Variants in TMTC2 observed in about 807,000 individuals in gnomAD.
TMTC2 encodes the protein transmembrane O-mannosyltransferase targeting cadherins 2.
TMTC2 carries 43 observed loss-of-function variants against 82.4 expected under a neutral mutation model. The ratio of observed to expected loss-of-function variants is 0.52; its 90% CI spans 0.41 to 0.67. The LOEUF (loss-of-function observed/expected upper bound fraction) is 0.67, where lower values mean the gene tolerates loss of function less well. Among genes scored for constraint, TMTC2 ranks in the 30% least tolerant of loss-of-function variants. The pLI is 0.00. For synonymous variants in TMTC2, 408 were observed against 381.9 expected (o/e 1.07, Z -0.80); for missense variants, 919 against 1,012.4 (o/e 0.91, Z 1.25).
chr12:82,949,430 A>G (rs1877225992), intron 4 of TMTC2, among the ~76,000 whole-genome samples: 1 of 152,188 alleles, frequency 6.6e-6, no homozygotes, highest in Non-Finnish European at 1.5e-5. Flanking sequence ...CCAGAGTCAT[A>G]TTTGTTTTCA....
chr12:83,043,753 T>C (rs2020085), intron 9 of TMTC2, among the ~76,000 whole-genome samples: 73,326 of 152,018 alleles, frequency 0.48, 18,668 homozygotes, highest in East Asian at 0.78. Context: ...CAAGTACTAC[T>C]ATATTTTGTG....
intron 1 of TMTC2, among the ~76,000 whole-genome samples, chr12:82,795,681 T>G (rs1195899542): frequency 1.3e-5 from 2 of 152,108 alleles, no homozygotes; most frequent in Non-Finnish European, 2.9e-5. Context: ...CTCAACTAGC[T>G]TGCCCTTCTG....
Position 82,803,977 on chromosome 12 carries a change from G to A in TMTC2, c.84-53033G>A, listed in dbSNP as rs576222822. On this transcript the variant is annotated intron_variant, in intron 1 of 11. Coordinates refer to ENST00000321196, the MANE Select transcript of TMTC2 (RefSeq NM_152588.3). ...TCAGTGGAATTCTTTCTTCTGAGGA[G>A]GCAAGAATTGAGGTTGCTGCAGACC... Among the ~76,000 whole-genome samples, 56 of 152,144 alleles carry A rather than the reference G, an allele frequency of 3.7e-4. 1 individual carries two copies. Among genetic ancestry groups the A allele is most frequent in the Non-Finnish European group, 7.1e-4 (48 of 68,004 alleles).
chr12:82,804,847 A>G (rs1368939729), intron 1 of TMTC2, among the ~76,000 whole-genome samples: 1 of 152,158 alleles, frequency 6.6e-6, no homozygotes, highest in Non-Finnish European at 1.5e-5. Context: ...AAGAGTGTAC[A>G]TGGGCCCTAC....
intron 1 of TMTC2, among the ~76,000 whole-genome samples, chr12:82,787,418 A>G (rs58040480): frequency 0.015 from 2,230 of 152,268 alleles, 54 homozygotes; most frequent in African/African-American, 0.05. Flanking sequence ...AAAAAAATAC[A>G]GAACCTAGTT....
Position 82,857,542 on chromosome 12 carries a change from A to T in TMTC2, c.616A>T (p.Arg206Trp), listed in dbSNP as rs1871324937. ...SAVYDVFVFHRLKIKQILPTI... is the reference protein window; with the variant it reads ...SAVYDVFVFHWLKIKQILPTI... The stretch of plus-strand genomic sequence containing the variant: ...AGTTTATGATGTCTTTGTCTTTCAC[A>T]GGCTGAAAATAAAACAGATATTACC... The change falls in exon 2 of 12, where the codon AGG (arginine) becomes TGG (tryptophan). Residue 206 changes from arginine (R) to tryptophan (W), a missense_variant. Arg to Trp is a moderately radical substitution (Grantham distance 101). Coordinates refer to ENST00000321196, the MANE Select transcript of TMTC2 (RefSeq NM_152588.3). 1 of 1,612,712 alleles carries T rather than the reference A, an allele frequency of 6.2e-7. No homozygotes were observed. The highest frequency in any genetic ancestry group is 8.5e-7 in the Non-Finnish European group (1 of 1,179,584).
chr12:83,069,108 T>C (rs144586232), intron 11 of TMTC2, among the ~76,000 whole-genome samples: 2 of 152,346 alleles, frequency 1.3e-5, no homozygotes, highest in African/African-American at 4.8e-5. Context: ...CACTCGTTGA[T>C]TGATGGGCAT....
intron 1 of TMTC2, among the ~76,000 whole-genome samples, chr12:82,827,014 A>G (rs1869456627): frequency 6.6e-6 from 1 of 152,198 alleles, no homozygotes; most frequent in Admixed American, 6.5e-5. Context: ...TAATGAGGAT[A>G]AATGATTTGC....
At chr12:82,986,601 A>C (rs2137339322) in intron 8 of TMTC2, 1 of 152,664 alleles carries the variant, frequency 6.6e-6, no homozygotes, top group East Asian at 1.9e-4. Flanking sequence ...TCTGATTCTT[A>C]TAAATAGCCA....
At chr12:83,008,626 A>C (rs889347060) in intron 8 of TMTC2, among the ~76,000 whole-genome samples, 2 of 152,216 alleles carry the variant, frequency 1.3e-5, no homozygotes, top group Non-Finnish European at 2.9e-5. Flanking sequence ...TCCAACATGT[A>C]AGTCTGGTTT....
At chr12:82,697,961 A>G (rs1421365462) in intron 1 of TMTC2, among the ~76,000 whole-genome samples, 1 of 152,212 alleles carries the variant, frequency 6.6e-6, no homozygotes, top group African/African-American at 2.4e-5. Context: ...AAGTAGGAAG[A>G]TAAAAATTTG....
At chr12:83,059,566 G>T (rs898356440) in intron 10 of TMTC2, among the ~76,000 whole-genome samples, 7 of 151,676 alleles carry the variant, frequency 4.6e-5, no homozygotes, top group Non-Finnish European at 7.4e-5. Context: ...TCCTAGTGGG[G>T]TTTTTTTCCC....
chr12:83,109,459 C>A (rs1884526563), intron 11 of TMTC2, among the ~76,000 whole-genome samples: 1 of 151,900 alleles, frequency 6.6e-6, no homozygotes, highest in Admixed American at 6.6e-5. Flanking sequence ...CAACCAGTCA[C>A]TCCCCAATTC....
intron 11 of TMTC2, among the ~76,000 whole-genome samples, chr12:83,105,201 T>C (rs1884354973): frequency 6.6e-6 from 1 of 152,164 alleles, no homozygotes. Flanking sequence ...TTCTAAGTAA[T>C]TCCCAACTTT....
intron 11 of TMTC2, among the ~76,000 whole-genome samples, chr12:83,081,037 A>G (rs982824886): frequency 7.2e-5 from 11 of 152,212 alleles, no homozygotes; most frequent in Non-Finnish European, 1.6e-4. Context: ...TCTCAGAGAC[A>G]GTAAATGGGC....
At chr12:82,903,987 C>G (rs1339146511) in intron 3 of TMTC2, among the ~76,000 whole-genome samples, 1 of 152,160 alleles carries the variant, frequency 6.6e-6, no homozygotes, top group African/African-American at 2.4e-5. Context: ...GTGACTGCAT[C>G]TGTGTGTGAC....
intron 11 of TMTC2, among the ~76,000 whole-genome samples, chr12:83,100,010 C>G (rs1592746053): frequency 1.3e-5 from 2 of 151,882 alleles, no homozygotes; most frequent in Admixed American, 1.3e-4. Context: ...ACCTCCACCT[C>G]CCAGGTTCAA....
At chr12:82,777,876 T>C (rs2137004055) in intron 1 of TMTC2, among the ~76,000 whole-genome samples, 1 of 152,222 alleles carries the variant, frequency 6.6e-6, no homozygotes, top group Non-Finnish European at 1.5e-5. Context: ...GATTTGCCAT[T>C]TTCTCTCTTT....
chr12:82,887,643 A>G (rs1396917517), intron 2 of TMTC2, among the ~76,000 whole-genome samples: 1 of 152,198 alleles, frequency 6.6e-6, no homozygotes, highest in Non-Finnish European at 1.5e-5. Flanking sequence ...ATGATTTTCT[A>G]TGTATGGCAG....
Sources: gnomAD v4.1 joint callset for allele counts (sites outside exome capture counted in the v4.1 genomes callset) on GRCh38, gnomAD v4.1.1 for gene constraint, MANE v1.5 for transcripts, NCBI Gene and HGNC (gene_info 2026-07-23, HGNC 2026-07-21) for gene names.